Variants in ERICH1 observed in about 807,000 individuals in gnomAD.
ERICH1 encodes the protein glutamate-rich protein 1.
In ERICH1, 56 loss-of-function variants were observed where a neutral mutation model predicts 39.6. The ratio of observed to expected loss-of-function variants is 1.41; its 90% CI spans 1.14 to 1.77. The LOEUF (loss-of-function observed/expected upper bound fraction) is 1.77, where lower values mean the gene tolerates loss of function less well. Ranked by LOEUF, ERICH1 falls within the 40% of genes most tolerant of loss-of-function variation. The probability of loss-of-function intolerance (pLI) is 0.00; values close to 1 mark genes in which losing one functional copy is unlikely to be tolerated. For synonymous variants in ERICH1, 313 were observed against 223.6 expected (o/e 1.40, Z -3.57); for missense variants, 826 against 575.4 (o/e 1.44, Z -4.45).
At chr8:616,376 G>A (rs1796897901) in intron 3 of ERICH1, 3 of 354,374 alleles carry the variant, frequency 8.5e-6, no homozygotes, top group South Asian at 4.2e-5. Flanking sequence ...GTGGGCGGCC[G>A]CCGTCCAGAG....
chr8:698,742 T>C (rs1262806500), intron 2 of ERICH1, among the ~76,000 whole-genome samples: 2 of 152,070 alleles, frequency 1.3e-5, no homozygotes, highest in Non-Finnish European at 2.9e-5. Flanking sequence ...CCTCCTAAAG[T>C]GCTAGGATTA....
chr8:717,770 T>A (rs1275009141), intron 1 of ERICH1, among the ~76,000 whole-genome samples: 1 of 152,222 alleles, frequency 6.6e-6, no homozygotes, highest in African/African-American at 2.4e-5. Context: ...CACAGCTGCC[T>A]GCGAGTGTCT....
rs753075342 is a variant in ERICH1, at chr8:731,122, C to G, written c.22+18G>C. ...CGGGTCTGGGGTCTGGGCAGGCCTC[C>G]GCACCGCACCCACCTACCGTGCTTC... On this transcript the variant is annotated intron_variant, in intron 1 of 5. Coordinates refer to ENST00000262109, the MANE Select transcript of ERICH1 (RefSeq NM_207332.3). 5 of 1,508,142 alleles carry G rather than the reference C, an allele frequency of 3.3e-6. No individual in the cohort carries two copies. Among genetic ancestry groups the G allele is most frequent in the Non-Finnish European group, 4.4e-6 (5 of 1,129,930 alleles). The allele number at this position is 1,508,142 out of a possible 1,614,324, so 93.4% of individuals were successfully genotyped here.
downstream of ERICH1, among the ~76,000 whole-genome samples, chr8:659,986 C>T (rs1801175034): frequency 2.0e-5 from 3 of 152,250 alleles, no homozygotes; most frequent in African/African-American, 7.2e-5. Flanking sequence ...AGGATCCTGG[C>T]CTCAAGCCCC....
chr8:724,122 A>C (rs1048178391), intron 1 of ERICH1, among the ~76,000 whole-genome samples: 4 of 152,200 alleles, frequency 2.6e-5, no homozygotes, highest in Admixed American at 1.3e-4. Context: ...CCAGAACCTC[A>C]CGCCATGACC....
At position 668,685 on chromosome 8, in the gene ERICH1, G is replaced by C. The variant is rs1295903624; in HGVS notation, c.1171C>G (p.His391Asp). ...TGCAGGAGCAGCAGCGTTTTCATGT[G>C]GTACAGGATGGACACGTCTGAGGGC... is the stretch of plus-strand genomic sequence containing the variant. ...MLPSDVSILY[H>D]MKTLLLLQDT... Residue 391 changes from histidine to aspartate, a missense_variant, in exon 5 of 6, where the codon CAC (histidine) becomes GAC (aspartate). Physicochemically the swap from His to Asp is moderately conservative, Grantham distance 81. Transcript: ENST00000262109. 2.5e-6 allele frequency: 4 copies of C among 1,614,094 alleles called. No homozygotes were observed. The Admixed American group carries it at 5.0e-5, about 20-fold the overall frequency.
At chr8:636,824 C>G (rs1289584882) in intron 3 of ERICH1, among the ~76,000 whole-genome samples, 1 of 152,216 alleles carries the variant, frequency 6.6e-6, no homozygotes. Flanking sequence ...GCCCTCCCGT[C>G]CAGAATCCTC....
chr8:713,243 T>C (rs1815163762), intron 2 of ERICH1, among the ~76,000 whole-genome samples: 1 of 152,360 alleles, frequency 6.6e-6, no homozygotes, highest in South Asian at 2.1e-4. Context: ...TTCTGAAGTA[T>C]GGGGGGTTAG....
intron 3 of ERICH1, among the ~76,000 whole-genome samples, chr8:622,063 GA>G (rs1330844540): frequency 6.6e-6 from 1 of 151,840 alleles, no homozygotes; most frequent in African/African-American, 2.4e-5. Flanking sequence ...AAATAAAAAT[GA>G]AAAAAATTAA....
chr8:629,495 CG>C (rs1797816966), intron 3 of ERICH1, among the ~76,000 whole-genome samples: 1 of 148,876 alleles, frequency 6.7e-6, no homozygotes. Context: ...CTGACTCACA[CG>C]CTACTGTGAC....
intron 3 of ERICH1, chr8:627,367 C>G: frequency 5.4e-6 from 2 of 370,140 alleles, no homozygotes; most frequent in Non-Finnish European, 1.1e-5. Context: ...CAGGAAAAGT[C>G]TGCACCTCAC....
intron 3 of ERICH1, chr8:615,504 A>C (rs1796858658): frequency 6.8e-6 from 3 of 439,522 alleles, no homozygotes; most frequent in African/African-American, 6.1e-5. Flanking sequence ...CACTGACACC[A>C]TTCCTGCAAA....
chr8:636,119 C>T (rs1021049933), intron 3 of ERICH1, among the ~76,000 whole-genome samples: 3 of 152,258 alleles, frequency 2.0e-5, no homozygotes, highest in Non-Finnish European at 4.4e-5. Context: ...AACACTCAGC[C>T]TGGGGCTAAT....
downstream of ERICH1, among the ~76,000 whole-genome samples, chr8:662,703 C>T (rs370059440): frequency 3.0e-4 from 45 of 152,296 alleles, no homozygotes; most frequent in African/African-American, 1.1e-3. Flanking sequence ...GGGAGGTTTG[C>T]AGGCTGGTGC....
chr8:712,620 G>A (rs1703952), intron 2 of ERICH1, among the ~76,000 whole-genome samples: 44,468 of 151,792 alleles, frequency 0.29, 6,798 homozygotes, highest in East Asian at 0.41. Flanking sequence ...TAGTAGAGAC[G>A]GGGTTTCTAC....
In ERICH1 at chr8:712,427, GT is replaced by G. The variant is rs552716884; in HGVS notation, c.169+3433del. Reference sequence around the variant, plus strand: ...GGTAATATAAATGATACCGTGTTTTGTTTTGTTTTGTTTTGTTTTTGAGACG... The same window carrying G: ...GGTAATATAAATGATACCGTGTTTTGTTTGTTTTGTTTTGTTTTTGAGACG... On this transcript the variant is annotated intron_variant, in intron 2 of 5. Coordinates refer to ENST00000262109, the MANE Select transcript of ERICH1 (RefSeq NM_207332.3). 3.4e-3 allele frequency among the ~76,000 whole-genome samples: 521 copies of G among 152,110 alleles called. 3 individuals are homozygous for G. Among genetic ancestry groups the G allele is most frequent in the African/African-American group, 0.012 (506 of 41,528 alleles).
intron 3 of ERICH1, among the ~76,000 whole-genome samples, chr8:616,823 G>GAGA (rs1554476090): frequency 0.22 from 16,615 of 76,040 alleles, 2,910 homozygotes; most frequent in East Asian, 0.33. Flanking sequence ...AGAGACGGGG[G>GAGA]GAGAGAGAGA....
intron 3 of ERICH1, chr8:626,904 C>A: frequency 3.1e-6 from 1 of 321,392 alleles, no homozygotes; most frequent in Non-Finnish European, 6.4e-6. Flanking sequence ...TTCATTCTTG[C>A]CTAGAGTAAG....
At chr8:709,250 A>G (rs528641490) in intron 2 of ERICH1, among the ~76,000 whole-genome samples, 2 of 152,214 alleles carry the variant, frequency 1.3e-5, no homozygotes, top group South Asian at 2.1e-4. Context: ...AAGGGTCTAA[A>G]TTGTCCAAGC....
Sources: gnomAD v4.1 joint callset for allele counts (sites outside exome capture counted in the v4.1 genomes callset) on GRCh38, gnomAD v4.1.1 for gene constraint, MANE v1.5 for transcripts, NCBI Gene and HGNC (gene_info 2026-07-23, HGNC 2026-07-21) for gene names.